The following SLC39A11 variants were observed in gnomAD, a reference collection of about 807,000 sequenced individuals.
SLC39A11 encodes solute carrier family 39 member 11, also known as zinc transporter ZIP11.
In SLC39A11, 33 loss-of-function variants were observed where a neutral mutation model predicts 36.1. The ratio of observed to expected loss-of-function variants is 0.91; its 90% confidence interval spans 0.69 to 1.22. The LOEUF is 1.22. SLC39A11 is among the 50% of genes most tolerant of loss of function. The pLI is 0.00. For synonymous variants in SLC39A11, 166 were observed against 170.3 expected (o/e 0.97, Z 0.20); for missense variants, 432 against 430.3 (o/e 1.00, Z -0.03).
At chr17:72,804,561 C>T (rs1467140397) in intron 6 of SLC39A11, among the ~76,000 whole-genome samples, 1 of 152,184 alleles carries the variant, frequency 6.6e-6, no homozygotes, top group African/African-American at 2.4e-5. Context: ...TGCTTTCAAG[C>T]AACATACAAG....
chr17:72,729,420 TATATATATATATATATATATATATATA>T (rs1567994302), intron 7 of SLC39A11, among the ~76,000 whole-genome samples: 36 of 2,332 alleles, frequency 0.015, 4 homozygotes, highest in African/African-American at 0.028. Context: ...TATATATATA[TATATATATATATATATATATATATATA>T]TATATATATA....
intron 5 of SLC39A11, among the ~76,000 whole-genome samples, chr17:72,916,253 A>G (rs568561504): frequency 1.3e-5 from 2 of 152,240 alleles, no homozygotes; most frequent in African/African-American, 4.8e-5. Context: ...CAAACACACA[A>G]ACTTGAAACC....
rs545844917 is a variant in SLC39A11, at chr17:73,001,613, CCAGAGAAAACAGAAA to C, written c.306+29928_306+29942del. ...AGTTGTATGAGTATCCCATTTGCAA[CCAGAGAAAACAGAAA>C]CAGAGAAATAGGAAGGAAGAAGAGT... On this transcript the variant is annotated intron_variant, in intron 4 of 9. Coordinates refer to ENST00000255559, the MANE Select transcript of SLC39A11 (RefSeq NM_139177.4). 2.6e-4 allele frequency among the ~76,000 whole-genome samples: 40 copies of C among 151,964 alleles called. No homozygotes were observed. In the East Asian group the frequency reaches 6.4e-3, roughly 24 times the overall value.
At chr17:73,038,754 G>A (rs2059008863) in intron 3 of SLC39A11, among the ~76,000 whole-genome samples, 1 of 118,420 alleles carries the variant, frequency 8.4e-6, no homozygotes, top group South Asian at 3.1e-4. Context: ...GAGGGAGGAG[G>A]GAGGGAGGAG....
chr17:72,802,543 T>C (rs1227070600), intron 6 of SLC39A11, among the ~76,000 whole-genome samples: 1 of 139,928 alleles, frequency 7.1e-6, no homozygotes, highest in Non-Finnish European at 1.5e-5. Context: ...TGAGCTGAGA[T>C]CACACCATCA....
At chr17:72,907,582 G>A (rs2082724702) in intron 5 of SLC39A11, among the ~76,000 whole-genome samples, 1 of 152,154 alleles carries the variant, frequency 6.6e-6, no homozygotes, top group Admixed American at 6.5e-5. Flanking sequence ...ACTTAAGTGG[G>A]AACCTGAAAG....
chr17:72,687,885 T>C (rs1165840998), intron 7 of SLC39A11, among the ~76,000 whole-genome samples: 1 of 152,178 alleles, frequency 6.6e-6, no homozygotes, highest in Non-Finnish European at 1.5e-5. Context: ...TGAGGCTCTG[T>C]GGCATACAGT....
chr17:72,833,202 C>T (rs1186727018), intron 6 of SLC39A11, among the ~76,000 whole-genome samples: 1 of 152,112 alleles, frequency 6.6e-6, no homozygotes, highest in African/African-American at 2.4e-5. Context: ...AGTCTGTGGC[C>T]AGGAAACAAA....
intron 5 of SLC39A11, among the ~76,000 whole-genome samples, chr17:72,895,313 T>A (rs915560349): frequency 1.3e-5 from 2 of 152,158 alleles, no homozygotes; most frequent in Non-Finnish European, 2.9e-5. Flanking sequence ...GTGCGCGGGC[T>A]CACACCTGTA....
At chr17:73,003,180 G>C (rs1240800211) in intron 4 of SLC39A11, among the ~76,000 whole-genome samples, 1 of 152,152 alleles carries the variant, frequency 6.6e-6, no homozygotes, top group African/African-American at 2.4e-5. Context: ...AATATACACA[G>C]GTTGTTGAAA....
At chr17:72,972,767 GA>G (rs1314705868) in intron 4 of SLC39A11, among the ~76,000 whole-genome samples, 1 of 152,160 alleles carries the variant, frequency 6.6e-6, no homozygotes, top group Non-Finnish European at 1.5e-5. Context: ...GCCGGCTTTA[GA>G]AACAGGATAT....
At chr17:72,742,964 T>G (rs1011484610) in intron 6 of SLC39A11, among the ~76,000 whole-genome samples, 3 of 152,194 alleles carry the variant, frequency 2.0e-5, no homozygotes, top group Non-Finnish European at 4.4e-5. Context: ...AGCCATGTTT[T>G]CAAAATGTCC....
intron 3 of SLC39A11, among the ~76,000 whole-genome samples, chr17:73,037,310 G>A (rs1428089594): frequency 6.6e-6 from 1 of 152,206 alleles, no homozygotes; most frequent in Non-Finnish European, 1.5e-5. Context: ...CCCAGCACAG[G>A]TGGGGAGGTG....
chr17:73,065,494 T>C (rs1273154768), intron 3 of SLC39A11, among the ~76,000 whole-genome samples: 1 of 152,118 alleles, frequency 6.6e-6, no homozygotes, highest in Non-Finnish European at 1.5e-5. Context: ...ATAAAAAAGT[T>C]CTCTCTTCCC....
chr17:73,024,530 A>G (rs946191898), intron 4 of SLC39A11, among the ~76,000 whole-genome samples: 2 of 152,204 alleles, frequency 1.3e-5, no homozygotes, highest in Non-Finnish European at 2.9e-5. Flanking sequence ...GTGAACTAGA[A>G]TCAGAATGCT....
At chr17:73,044,007 C>T (rs995597733) in intron 3 of SLC39A11, among the ~76,000 whole-genome samples, 9 of 152,162 alleles carry the variant, frequency 5.9e-5, no homozygotes, top group Non-Finnish European at 1.2e-4. Context: ...TAATCAATTA[C>T]ATTCAGCTTC....
At chr17:72,780,196 C>T (rs1413179700) in intron 6 of SLC39A11, among the ~76,000 whole-genome samples, 1 of 152,104 alleles carries the variant, frequency 6.6e-6, no homozygotes, top group African/African-American at 2.4e-5. Flanking sequence ...GCCAGCACTG[C>T]CCAGAGAAAG....
At chr17:73,034,362 G>A (rs1266266886) in intron 3 of SLC39A11, among the ~76,000 whole-genome samples, 2 of 152,154 alleles carry the variant, frequency 1.3e-5, no homozygotes, top group Non-Finnish European at 2.9e-5. Flanking sequence ...AGCTGGGATT[G>A]CAGGTACTTG....
At chr17:72,868,474 ATG>A (rs997558375) in intron 5 of SLC39A11, among the ~76,000 whole-genome samples, 1 of 152,044 alleles carries the variant, frequency 6.6e-6, no homozygotes, top group African/African-American at 2.4e-5. Flanking sequence ...TCTATCAAAA[ATG>A]TGTCTACGGA....
Sources: allele counts gnomAD v4.1 joint callset (sites outside exome capture counted in the v4.1 genomes callset), GRCh38; gene constraint gnomAD v4.1.1; transcripts MANE v1.5; gene names NCBI Gene and HGNC (gene_info 2026-07-23, HGNC 2026-07-21).